The following DSCAML1 variants were observed in gnomAD, a reference collection of about 807,000 sequenced individuals.
The protein encoded by DSCAML1 is cell adhesion molecule DSCAML1.
DSCAML1 carries 38 observed loss-of-function variants against 200.5 expected under a neutral mutation model. That is an observed-to-expected ratio of 0.19 (90% CI 0.15 to 0.25). The LOEUF is 0.25. DSCAML1 is among the 10% of genes least tolerant of loss of function. The pLI is 1.00. For missense variants in DSCAML1, 2,223 were observed against 2,858.8 expected, an observed-to-expected ratio of 0.78 and a Z score of 5.07; for synonymous variants, 1,215 against 1,165.0, an observed-to-expected ratio of 1.04 and a Z score of -0.87.
intron 3 of DSCAML1, among the ~76,000 whole-genome samples, chr11:117,547,041 A>G (rs1428421391): frequency 6.6e-6 from 1 of 152,164 alleles, no homozygotes; most frequent in African/African-American, 2.4e-5. Flanking sequence ...AGGAAGATGA[A>G]AAAAAGAGAG....
At chr11:117,445,291 C>T (rs2048154379) in intron 20 of DSCAML1, among the ~76,000 whole-genome samples, 1 of 152,200 alleles carries the variant, frequency 6.6e-6, no homozygotes, top group Non-Finnish European at 1.5e-5. Flanking sequence ...CATATTCCTC[C>T]TGCCTCCCTC....
chr11:117,778,509 C>T (rs970090142), intron 2 of DSCAML1, among the ~76,000 whole-genome samples: 2 of 152,210 alleles, frequency 1.3e-5, no homozygotes, highest in Non-Finnish European at 1.5e-5. Flanking sequence ...GCCCCAGTTT[C>T]TTCATTTATG....
At chr11:117,446,055 C>T (rs1035731903) in intron 20 of DSCAML1, among the ~76,000 whole-genome samples, 1 of 152,144 alleles carries the variant, frequency 6.6e-6, no homozygotes, top group African/African-American at 2.4e-5. Flanking sequence ...AAAAGAAAAA[C>T]TATGATACAT....
chr11:117,521,315 T>C lies in DSCAML1; in HGVS notation c.1028A>G (p.Glu343Gly). 3 of 1,614,162 alleles carry C rather than the reference T, an allele frequency of 1.9e-6. No homozygotes were observed. The highest frequency in any genetic ancestry group is 1.1e-5 in the South Asian group (1 of 91,084). ...GTTGCGATACCAGCGGATGGTGAAC[T>C]CTGGGGAGCCCGTCAGGGCACAGGA... is the stretch of plus-strand genomic sequence containing the variant. ...ILSCALTGSP[E>G]FTIRWYRNTE... is the part of the protein sequence containing the mutation. The change falls in exon 6 of 33, where the codon GAG (glutamate) becomes GGG (glycine). Residue 343 changes from glutamate (E) to glycine (G), a missense_variant. Glu to Gly is a moderately conservative substitution (Grantham distance 98). Around this residue, in one of 7 missense-constraint regions of DSCAML1, gnomAD observed 579 missense variants for 721.5 expected, o/e 0.80. Transcript: ENST00000651296.
intron 3 of DSCAML1, among the ~76,000 whole-genome samples, chr11:117,548,923 T>C (rs1478488370): frequency 6.6e-6 from 1 of 152,210 alleles, no homozygotes; most frequent in Non-Finnish European, 1.5e-5. Flanking sequence ...TGCTTTTTCA[T>C]GCCTTGGTAA....
At chr11:117,660,468 C>T (rs1040402810) in intron 3 of DSCAML1, among the ~76,000 whole-genome samples, 2 of 152,168 alleles carry the variant, frequency 1.3e-5, no homozygotes, top group Non-Finnish European at 2.9e-5. Flanking sequence ...CCCTGCTCTC[C>T]GGTTCTCCAT....
chr11:117,538,732 T>C (rs1305041296), intron 3 of DSCAML1, among the ~76,000 whole-genome samples: 1 of 145,884 alleles, frequency 6.9e-6, no homozygotes, highest in African/African-American at 2.6e-5. Flanking sequence ...AGCCACCCTC[T>C]GCAAAGGTGG....
chr11:117,726,696 GC>G (rs2054138440), intron 3 of DSCAML1, among the ~76,000 whole-genome samples: 1 of 152,194 alleles, frequency 6.6e-6, no homozygotes, highest in Non-Finnish European at 1.5e-5. Flanking sequence ...TGGCACTGCA[GC>G]AGATTTGAGG....
chr11:117,815,412 C>T (rs766653648), intron 1 of DSCAML1, among the ~76,000 whole-genome samples: 27 of 152,324 alleles, frequency 1.8e-4, no homozygotes, highest in African/African-American at 6.5e-4. Context: ...CCACCTTCCA[C>T]GGTGTGGTCT....
chr11:117,436,840 T>C (rs2047927262), intron 26 of DSCAML1, among the ~76,000 whole-genome samples: 1 of 152,056 alleles, frequency 6.6e-6, no homozygotes, highest in Non-Finnish European at 1.5e-5. Flanking sequence ...CAATGCACAG[T>C]GATTGAGGAC....
At chr11:117,604,443 G>A (rs537943223) in intron 3 of DSCAML1, among the ~76,000 whole-genome samples, 5 of 151,726 alleles carry the variant, frequency 3.3e-5, no homozygotes, top group African/African-American at 9.7e-5. Context: ...CCTCTCCACC[G>A]AGGCCTGTGT....
intron 3 of DSCAML1, among the ~76,000 whole-genome samples, chr11:117,710,542 GA>G (rs1162359816): frequency 6.6e-6 from 1 of 152,194 alleles, no homozygotes; most frequent in African/African-American, 2.4e-5. Context: ...TGGAGAAGCA[GA>G]GTAGTTTTCT....
chr11:117,561,081 G>A (rs1337591002), intron 3 of DSCAML1, among the ~76,000 whole-genome samples: 1 of 152,212 alleles, frequency 6.6e-6, no homozygotes, highest in Non-Finnish European at 1.5e-5. Flanking sequence ...CCCTCCCCAG[G>A]CTGTTGTGGA....
At chr11:117,548,667 C>T (rs1397651681) in intron 3 of DSCAML1, among the ~76,000 whole-genome samples, 1 of 152,174 alleles carries the variant, frequency 6.6e-6, no homozygotes, top group East Asian at 1.9e-4. Context: ...AACAGCTGGG[C>T]CAAGGCTGGG....
rs185785367 is a variant in DSCAML1, at chr11:117,509,585, G to A, written c.1784-3853C>T. ...GGTCAATACACACACCGGGCAGCCT[G>A]GAGGGGGAAGAGAGCCCAGGGATCA... On this transcript the variant is annotated intron_variant, in intron 8 of 32. Coordinates refer to ENST00000651296, the MANE Select transcript of DSCAML1 (RefSeq NM_020693.4). Among the ~76,000 whole-genome samples, 62 of 152,332 alleles carry A rather than the reference G, an allele frequency of 4.1e-4. No homozygotes were observed. The East Asian group carries it at 0.012, about 28-fold the overall frequency.
At chr11:117,715,462 A>G (rs1396907364) in intron 3 of DSCAML1, among the ~76,000 whole-genome samples, 1 of 152,178 alleles carries the variant, frequency 6.6e-6, no homozygotes, top group African/African-American at 2.4e-5. Flanking sequence ...CTCTTTTACA[A>G]CAGAAAGTAT....
chr11:117,786,311 G>A (rs1271713357), intron 1 of DSCAML1, among the ~76,000 whole-genome samples: 4 of 152,182 alleles, frequency 2.6e-5, no homozygotes, highest in Admixed American at 1.3e-4. Flanking sequence ...CTTCTCTGCC[G>A]TTTAACATTG....
At position 117,470,401 on chromosome 11, in the gene DSCAML1, C is replaced by T. The variant is rs375091491; in HGVS notation, c.2954-421G>A. Among the ~76,000 whole-genome samples the T allele has an allele frequency of 8.5e-5, 13 of 152,174 alleles. No homozygotes were observed. In the South Asian group the frequency reaches 2.5e-3, roughly 29 times the overall value. On this transcript the variant is annotated intron_variant, in intron 15 of 32. Coordinates refer to ENST00000651296, the MANE Select transcript of DSCAML1 (RefSeq NM_020693.4). ...CCATCCTGGCTAACAGGGTGAAACC[C>T]TGTCTCTACTAAAAATACAAAAAAT...
chr11:117,508,872 T>C (rs181599092), intron 8 of DSCAML1, among the ~76,000 whole-genome samples: 3 of 152,148 alleles, frequency 2.0e-5, no homozygotes, highest in East Asian at 3.9e-4. Context: ...GATAGAGACA[T>C]AGTGAAATCA....
Sources: gnomAD v4.1 joint callset for allele counts (sites outside exome capture counted in the v4.1 genomes callset) on GRCh38, gnomAD v4.1.1 for gene constraint, gnomAD v4.1.1 regional missense constraint, MANE v1.5 for transcripts, NCBI Gene and HGNC (gene_info 2026-07-23, HGNC 2026-07-21) for gene names.